FAM227B: variants seen among roughly 807,000 people sequenced by gnomAD.
FAM227B encodes the protein family with sequence similarity 227 member B, also known as protein FAM227B.
FAM227B carries 88 observed loss-of-function variants against 73.8 expected under a neutral mutation model. The observed-to-expected ratio is 1.19, with a 90% CI of 1.00 to 1.42. The LOEUF is 1.42. FAM227B is among the 40% of genes most tolerant of loss of function. The pLI is 0.00. For missense variants in FAM227B, 632 were observed against 590.9 expected, an observed-to-expected ratio of 1.07 and a Z score of -0.72; for synonymous variants, 210 against 190.5, an observed-to-expected ratio of 1.10 and a Z score of -0.84.
At chr15:49,386,771 G>C (rs2046911201) in intron 11 of FAM227B, among the ~76,000 whole-genome samples, 1 of 151,576 alleles carries the variant, frequency 6.6e-6, no homozygotes, top group Non-Finnish European at 1.5e-5. Flanking sequence ...TAACCAAGAA[G>C]AGGGAAGATC....
chr15:49,448,906 C>G (rs762223397), intron 11 of FAM227B, among the ~76,000 whole-genome samples: 6 of 151,882 alleles, frequency 4.0e-5, no homozygotes, highest in Non-Finnish European at 8.8e-5. Context: ...GATACTTTCT[C>G]ATATCTAGGG....
Position 49,577,662 on chromosome 15 carries a change from A to C in FAM227B, c.408T>G (p.Leu136=). The C allele has an allele frequency of 6.4e-7, 1 of 1,555,054 alleles. No individual in the cohort carries two copies. Among genetic ancestry groups the C allele is most frequent in the Non-Finnish European group, 8.8e-7 (1 of 1,141,944 alleles). Residue 136 remains leucine, a splice_region_variant and synonymous_variant, in exon 6 of 16, where the codon CTT becomes CTG. Transcript: ENST00000299338. ...KKYHKKKKIM[L]SDEMETEKNI... ...TCTTCTCTGTCTCCATTTCATCTGAAAGCTGGAAAACATTTTAAATAAACT... is the reference window on the plus strand; with the variant it reads ...TCTTCTCTGTCTCCATTTCATCTGACAGCTGGAAAACATTTTAAATAAACT...
chr15:49,508,545 G>A (rs1022519742), intron 10 of FAM227B, among the ~76,000 whole-genome samples, 197 bp from the exon 11 acceptor site: 2 of 151,968 alleles, frequency 1.3e-5, no homozygotes, highest in Admixed American at 1.3e-4. Context: ...CAATAAAAAT[G>A]AGAATAACAT....
chr15:49,473,399 C>A (rs1195076893), intron 11 of FAM227B, among the ~76,000 whole-genome samples: 1 of 151,966 alleles, frequency 6.6e-6, no homozygotes, highest in African/African-American at 2.4e-5. Context: ...AAAATAACTC[C>A]AAAATTCGCT....
chr15:49,369,411 CCATGAAA>C (rs1162711058), intron 12 of FAM227B, among the ~76,000 whole-genome samples: 1 of 152,068 alleles, frequency 6.6e-6, no homozygotes, highest in Non-Finnish European at 1.5e-5. Context: ...CTTTAAGATT[CCATGAAA>C]CAAGACTTTT....
At chr15:49,600,141 C>T (rs890094659) in intron 3 of FAM227B, among the ~76,000 whole-genome samples, 2 of 151,920 alleles carry the variant, frequency 1.3e-5, no homozygotes, top group Non-Finnish European at 2.9e-5. Flanking sequence ...GCAAATTGAC[C>T]CTTTTATTAT....
At position 49,367,423 on chromosome 15, in the gene FAM227B, TAAAGC is replaced by T; in HGVS notation, c.1271+20_1271+24del. ...ATATTATTTTTGAAAGAAATTATAT[TAAAGC>T]AAAGCTTTAAAAAGGATATGGTTCC... On this transcript the variant is annotated intron_variant, in intron 13 of 15. Coordinates refer to ENST00000299338, the MANE Select transcript of FAM227B (RefSeq NM_152647.3). 6.6e-7 allele frequency: 1 copy of T among 1,513,808 alleles called. No homozygotes were observed. Among genetic ancestry groups the T allele is most frequent in the Non-Finnish European group, 8.8e-7 (1 of 1,138,138 alleles). The allele number at this position is 1,513,808 out of a possible 1,614,324, so 93.8% of individuals were successfully genotyped here.
At chr15:49,340,919 C>A (rs969174608) in intron 13 of FAM227B, among the ~76,000 whole-genome samples, 7 of 152,074 alleles carry the variant, frequency 4.6e-5, no homozygotes, top group African/African-American at 1.7e-4. Flanking sequence ...AATATTTAAT[C>A]CATTTTGAGT....
intron 11 of FAM227B, among the ~76,000 whole-genome samples, chr15:49,440,726 G>T (rs1332265440): frequency 6.6e-6 from 1 of 151,682 alleles, no homozygotes; most frequent in Non-Finnish European, 1.5e-5. Flanking sequence ...CAGTTTGACA[G>T]TCAGAGACTG....
At chr15:49,350,506 G>A (rs1329990932) in intron 13 of FAM227B, among the ~76,000 whole-genome samples, 1 of 151,998 alleles carries the variant, frequency 6.6e-6, no homozygotes, top group Non-Finnish European at 1.5e-5. Flanking sequence ...GTTTTTACTG[G>A]GAGATGCTAC....
At position 49,367,607 on chromosome 15, in the gene FAM227B, G is replaced by A. The variant is rs200898126; in HGVS notation, c.1112C>T (p.Ser371Leu). 1,296 of 1,548,926 alleles carry A rather than the reference G, an allele frequency of 8.4e-4. 24 individuals carry two copies. In the South Asian group the frequency reaches 0.015, roughly 18 times the overall value. ...ESRLSRLATK[S>L]HYSSTGPEFN... ...CTCTGGACCAGTACTACTATAGTGC[G>A]ACTGTAAGAGGAAGAAAATAATCAA... The change falls in exon 13 of 16, where the codon TCG (serine) becomes TTG (leucine). Residue 371 changes from serine to leucine, a missense_variant and splice_region_variant. Coordinates refer to ENST00000299338, the MANE Select transcript of FAM227B (RefSeq NM_152647.3).
chr15:49,429,427 T>G (rs192351939), intron 11 of FAM227B, among the ~76,000 whole-genome samples: 3 of 152,112 alleles, frequency 2.0e-5, no homozygotes, highest in Admixed American at 2.0e-4. Flanking sequence ...ATAAGTTCAT[T>G]CATTGCCACG....
At chr15:49,491,148 T>G (rs1024460074) in intron 11 of FAM227B, among the ~76,000 whole-genome samples, 3 of 151,966 alleles carry the variant, frequency 2.0e-5, no homozygotes, top group African/African-American at 7.2e-5. Flanking sequence ...GCTAACTTCT[T>G]TCTCAACATC....
At chr15:49,576,397 A>G (rs2075442559) in intron 7 of FAM227B, 1 of 173,554 alleles carries the variant, frequency 5.8e-6, no homozygotes, top group Non-Finnish European at 1.2e-5. Context: ...AAGGGTTGTG[A>G]AGAAGGGCAC....
intron 5 of FAM227B, among the ~76,000 whole-genome samples, chr15:49,585,349 C>T (rs1310052693): frequency 6.6e-6 from 1 of 152,172 alleles, no homozygotes; most frequent in Non-Finnish European, 1.5e-5. Flanking sequence ...TGGGTATATA[C>T]CCAAAGGATT....
chr15:49,401,137 C>A (rs2048111057), intron 11 of FAM227B, among the ~76,000 whole-genome samples: 1 of 152,230 alleles, frequency 6.6e-6, no homozygotes, highest in African/African-American at 2.4e-5. Flanking sequence ...CTACAATGAA[C>A]TCAAACAAAT....
chr15:49,523,882 T>C (rs913085849), intron 10 of FAM227B, among the ~76,000 whole-genome samples: 2 of 152,212 alleles, frequency 1.3e-5, no homozygotes, highest in East Asian at 1.9e-4. Flanking sequence ...GGCCCTGCCC[T>C]AGAGATCTGT....
At chr15:49,363,478 C>T (rs1253483620) in intron 13 of FAM227B, among the ~76,000 whole-genome samples, 2 of 152,060 alleles carry the variant, frequency 1.3e-5, no homozygotes, top group African/African-American at 4.8e-5. Context: ...GATTTTGTAT[C>T]CTGAAACTTT....
chr15:49,467,498 T>C (rs185908211), intron 11 of FAM227B, among the ~76,000 whole-genome samples: 2 of 152,298 alleles, frequency 1.3e-5, no homozygotes, highest in African/African-American at 4.8e-5. Context: ...GAAGATATTT[T>C]AGACTTTAGG....
Sources: gnomAD v4.1 joint callset for allele counts (sites outside exome capture counted in the v4.1 genomes callset) on GRCh38, gnomAD v4.1.1 for gene constraint, MANE v1.5 for transcripts, NCBI Gene and HGNC (gene_info 2026-07-23, HGNC 2026-07-21) for gene names.